CRYBG3: variants seen among roughly 807,000 people sequenced by gnomAD.
CRYBG3 encodes the protein very large A-kinase anchor protein.
A neutral mutation model predicts 244.2 loss-of-function variants in CRYBG3; 127 were observed. The ratio of observed to expected loss-of-function variants is 0.52; its 90% CI spans 0.45 to 0.60. The LOEUF is 0.60. CRYBG3 is among the 20% of genes least tolerant of loss of function. The probability of loss-of-function intolerance (pLI) is 0.00; values close to 1 mark genes in which losing one functional copy is unlikely to be tolerated. For synonymous variants in CRYBG3, 1,132 were observed against 1,195.8 expected, an observed-to-expected ratio of 0.95 and a Z score of 1.10; for missense variants, 3,325 against 3,442.5, an observed-to-expected ratio of 0.97 and a Z score of 0.85.
intron 12 of CRYBG3, among the ~76,000 whole-genome samples, chr3:97,897,900 C>T (rs2039657347): frequency 2.0e-5 from 3 of 152,114 alleles, no homozygotes; most frequent in South Asian, 4.2e-4. Context: ...TTTGACAAAA[C>T]GGAACTTTTA....
At chr3:97,846,805 C>T (rs1022288128) in intron 2 of CRYBG3, among the ~76,000 whole-genome samples, 4 of 152,132 alleles carry the variant, frequency 2.6e-5, no homozygotes, top group Admixed American at 6.6e-5. Context: ...GCTTTCTCTG[C>T]CTCTGTCTGC....
chr3:97,875,314 A>C lies in CRYBG3; in HGVS notation c.4120A>C (p.Asn1374His). Residue 1374 changes from asparagine to histidine, a missense_variant, in exon 4 of 22, where the codon AAT becomes CAT. Asn to His is a moderately conservative substitution (Grantham distance 68). Around this residue, in one of 4 missense-constraint regions of CRYBG3, gnomAD observed 635 missense variants for 771.7 expected, o/e 0.82. Coordinates refer to ENST00000389622, the MANE Select transcript of CRYBG3 (RefSeq NM_153605.4). ...AAATCAAAGCACACAAATTAGTGAAAATAAAGTATTAAATGAATTCTTCTC... is the reference window on the plus strand; with the variant it reads ...AAATCAAAGCACACAAATTAGTGAACATAAAGTATTAAATGAATTCTTCTC... Reference protein sequence around the residue: ...PVNQSTQISENKVLNEFFSLS... With the variant: ...PVNQSTQISEHKVLNEFFSLS... 6.9e-7 allele frequency: 1 copy of C among 1,443,010 alleles called. No individual in the cohort carries two copies. Among genetic ancestry groups the C allele is most frequent in the Non-Finnish European group, 9.0e-7 (1 of 1,105,838 alleles). 89.4% of individuals were successfully genotyped at this position (1,443,010 alleles called of 1,614,324 possible).
intron 15 of CRYBG3, among the ~76,000 whole-genome samples, chr3:97,903,891 C>T (rs1310842784): frequency 2.0e-5 from 3 of 151,910 alleles, no homozygotes; most frequent in African/African-American, 4.8e-5. Flanking sequence ...TTTTTTCCTT[C>T]GCTTCCATTT....
intron 2 of CRYBG3, among the ~76,000 whole-genome samples, chr3:97,854,250 A>G (rs896335498): frequency 3.3e-5 from 5 of 151,988 alleles, no homozygotes; most frequent in African/African-American, 9.7e-5. Flanking sequence ...AGTCAAGTAA[A>G]GTGATGCCTC....
chr3:97,907,320 G>A (rs1392280563), intron 15 of CRYBG3, among the ~76,000 whole-genome samples: 1 of 152,170 alleles, frequency 6.6e-6, no homozygotes, highest in East Asian at 1.9e-4. Context: ...CAAAAGGATT[G>A]GTACCAGTTC....
rs887074911 is a variant in CRYBG3 at position 97,876,785 on chromosome 3, C to A, written c.5591C>A (p.Pro1864His). The change falls in exon 4 of 22, where the codon CCC becomes CAC. Residue 1864 changes from proline (P) to histidine (H), a missense_variant. By Grantham distance (77) the Pro-to-His change is moderately conservative. Around this residue, in one of 4 missense-constraint regions of CRYBG3, gnomAD observed 635 missense variants for 771.7 expected, o/e 0.82. Transcript: ENST00000389622. ...AATATTGGGAAACACAAAGTGTTAC[C>A]CGCAGTGGTAGACATTGAGAAAATA... Reference protein sequence around the residue: ...GENIGKHKVLPAVVDIEKIHG... With the variant: ...GENIGKHKVLHAVVDIEKIHG... 2 of 1,278,076 alleles carry A rather than the reference C, an allele frequency of 1.6e-6. No individual in the cohort carries two copies. Among genetic ancestry groups the A allele is most frequent in the African/African-American group, 3.1e-5 (2 of 65,182 alleles). 79.2% of individuals were successfully genotyped at this position (1,278,076 alleles called of 1,614,324 possible).
At chr3:97,853,456 G>A (rs2039018695) in intron 2 of CRYBG3, among the ~76,000 whole-genome samples, 1 of 150,474 alleles carries the variant, frequency 6.6e-6, no homozygotes, top group Non-Finnish European at 1.5e-5. Flanking sequence ...TTATCCACTC[G>A]GTTGATGGGC....
intron 1 of CRYBG3, among the ~76,000 whole-genome samples, chr3:97,835,585 T>C (rs1417630904): frequency 6.6e-6 from 1 of 152,100 alleles, no homozygotes; most frequent in Non-Finnish European, 1.5e-5. Context: ...TGAAATGAAA[T>C]GATGAGTTTA....
rs891792085 is a variant in CRYBG3, at chr3:97,822,102, G to A, written c.-105G>A. ...CCGCGCTGGCAGCTCGCGTCGAGTCGGTCTGCCCTAGCCGCATCCCGCGGC... is the reference window on the plus strand; with the variant it reads ...CCGCGCTGGCAGCTCGCGTCGAGTCAGTCTGCCCTAGCCGCATCCCGCGGC... On this transcript the variant is annotated 5_prime_UTR_variant, in exon 1 of 22. Transcript: ENST00000389622. 1 of 1,000,200 alleles carries A rather than the reference G, an allele frequency of 1.0e-6. No homozygotes were observed. The highest frequency in any genetic ancestry group is 1.3e-6 in the Non-Finnish European group (1 of 755,446). The allele number at this position is 1,000,200 out of a possible 1,614,324, so 62.0% of individuals were successfully genotyped here. A position where few individuals can be genotyped will look rare whatever the true frequency, so the allele number is the denominator to read the frequency against.
chr3:97,837,532 C>CCTTAAGGCTAAGCAGAA (rs2038751436), intron 1 of CRYBG3, among the ~76,000 whole-genome samples: 1 of 152,074 alleles, frequency 6.6e-6, no homozygotes, highest in East Asian at 1.9e-4. Flanking sequence ...AAGTGAAAAT[C>CCTTAAGGCTAAGCAGAA]TCAAGTGGGA....
chr3:97,860,364 T>C (rs556460056), intron 2 of CRYBG3, among the ~76,000 whole-genome samples: 1 of 152,180 alleles, frequency 6.6e-6, no homozygotes, highest in East Asian at 1.9e-4. Flanking sequence ...TAGGTGTGTG[T>C]TGTGTGTGTA....
Position 97,901,478 on chromosome 3 carries a change from C to T in CRYBG3, c.8004+993C>T, listed in dbSNP as rs187288118. ...ACCAGGTTTGCATTCACAATGCTTT[C>T]GGGTTTTATTATTTTCTGATTAGCT... On this transcript the variant is annotated intron_variant, in intron 15 of 21. Transcript: ENST00000389622. 1.8e-4 allele frequency among the ~76,000 whole-genome samples: 28 copies of T among 152,174 alleles called. No homozygotes were observed. In the East Asian group the frequency reaches 3.1e-3, roughly 17 times the overall value.
intron 1 of CRYBG3, among the ~76,000 whole-genome samples, chr3:97,827,653 C>G (rs1425062442): frequency 6.6e-6 from 1 of 152,064 alleles, no homozygotes; most frequent in East Asian, 1.9e-4. Flanking sequence ...TAAGGGTACC[C>G]TTAATACCCT....
rs746851612 is a variant in CRYBG3, at chr3:97,874,794, C to G, written c.3600C>G (p.Ala1200=). The G allele has an allele frequency of 1.3e-6, 2 of 1,535,878 alleles. No homozygotes were observed. The highest frequency in any genetic ancestry group is 2.0e-5 in the Admixed American group (1 of 50,984). The change falls in exon 4 of 22, where the codon GCC becomes GCG. Residue 1200 remains alanine, a synonymous_variant. Coordinates refer to ENST00000389622, the MANE Select transcript of CRYBG3 (RefSeq NM_153605.4). ...TCAAAAGTAGTTTACTCAAAAAGGC[C>G]GATACATTGATTGGTGAGATTTTTA... ...LDLKSSLLKK[A]DTLIGEIFNS...
intron 1 of CRYBG3, among the ~76,000 whole-genome samples, chr3:97,832,871 A>G (rs2038673607): frequency 6.6e-6 from 1 of 152,190 alleles, no homozygotes; most frequent in African/African-American, 2.4e-5. Flanking sequence ...CAAATTTACA[A>G]GAAAAAAACA....
In CRYBG3 at chr3:97,873,105, T is replaced by G; in HGVS notation, c.1911T>G (p.Pro637=). 1 of 1,535,436 alleles carries G rather than the reference T, an allele frequency of 6.5e-7. No individual in the cohort carries two copies. Among genetic ancestry groups the G allele is most frequent in the Non-Finnish European group, 8.7e-7 (1 of 1,146,586 alleles). Residue 637 remains proline, a synonymous_variant, in exon 4 of 22, where the codon CCT becomes CCG. Transcript: ENST00000389622. ...SESPQQAEVS[P]DAKTSLSLDC... is the part of the protein sequence containing the mutation. ...GTCCTCAACAAGCTGAAGTATCACC[T>G]GATGCTAAAACATCTCTTAGCCTTG...
chr3:97,903,196 T>C (rs1489214369), intron 15 of CRYBG3, among the ~76,000 whole-genome samples: 1 of 152,216 alleles, frequency 6.6e-6, no homozygotes, highest in Non-Finnish European at 1.5e-5. Flanking sequence ...CCTCACTGAA[T>C]TTTAAAGTGA....
At chr3:97,929,884 C>T (rs2040079626) in intron 17 of CRYBG3, among the ~76,000 whole-genome samples, 1 of 151,696 alleles carries the variant, frequency 6.6e-6, no homozygotes, top group Non-Finnish European at 1.5e-5. Flanking sequence ...TTTTTTGTTC[C>T]CTCCATCAAG....
At chr3:97,853,349 T>C (rs2039015755) in intron 2 of CRYBG3, among the ~76,000 whole-genome samples, 1 of 151,966 alleles carries the variant, frequency 6.6e-6, no homozygotes, top group Non-Finnish European at 1.5e-5. Flanking sequence ...TCATTCCTTT[T>C]TATGGCTGAG....
Sources: allele counts gnomAD v4.1 joint callset (sites outside exome capture counted in the v4.1 genomes callset), GRCh38; gene constraint gnomAD v4.1.1; regional missense constraint gnomAD v4.1.1; transcripts MANE v1.5; gene names NCBI Gene and HGNC (gene_info 2026-07-23, HGNC 2026-07-21).